Variants in DLG2 observed in about 807,000 individuals in gnomAD.
DLG2 encodes the protein disks large homolog 2.
Under a neutral mutation model 132.5 loss-of-function variants are expected in DLG2, and 45 were observed. The observed-to-expected ratio is 0.34, with a 90% CI of 0.27 to 0.44. DLG2 has a LOEUF of 0.44. Ranked by LOEUF, DLG2 falls within the 20% of genes least tolerant of loss-of-function variation. The probability of loss-of-function intolerance (pLI) is 1.00; values close to 1 mark genes in which losing one functional copy is unlikely to be tolerated. For missense variants in DLG2, 1,045 were observed against 1,196.9 expected, an observed-to-expected ratio of 0.87 and a Z score of 1.87; for synonymous variants, 424 against 419.6, an observed-to-expected ratio of 1.01 and a Z score of -0.13.
chr11:83,963,166 G>A, intron 13 of DLG2, 143 bp from the exon 14 acceptor site: 3 of 815,988 alleles, frequency 3.7e-6, no homozygotes, highest in Non-Finnish European at 5.8e-6. Context: ...GGGGGGAGTT[G>A]CAGCTTATTT....
intron 26 of DLG2, among the ~76,000 whole-genome samples, chr11:83,465,287 T>TTTAAC (rs1458493588): frequency 6.6e-6 from 1 of 152,210 alleles, no homozygotes; most frequent in African/African-American, 2.4e-5. Flanking sequence ...CAACTATGTA[T>TTTAAC]TTAACTTAAT....
chr11:83,732,868 T>TA (rs1318889827), intron 18 of DLG2, among the ~76,000 whole-genome samples: 1 of 152,172 alleles, frequency 6.6e-6, no homozygotes, highest in Non-Finnish European at 1.5e-5. Flanking sequence ...AGAAAGCTCA[T>TA]AGCTCACCTT....
intron 6 of DLG2, among the ~76,000 whole-genome samples, chr11:84,688,722 T>C (rs972913298): frequency 6.6e-6 from 1 of 152,142 alleles, no homozygotes; most frequent in South Asian, 2.1e-4. Flanking sequence ...TCCATTTCAC[T>C]TGGAAAAAGG....
At chr11:84,028,502 T>C (rs1351636110) in intron 11 of DLG2, among the ~76,000 whole-genome samples, 1 of 152,032 alleles carries the variant, frequency 6.6e-6, no homozygotes, top group Non-Finnish European at 1.5e-5. Context: ...CATGAGTGAG[T>C]GGTAGGCTTA....
Position 83,494,686 on chromosome 11 carries a change from G to A in DLG2, c.2194-10458C>T, listed in dbSNP as rs143006210. On this transcript the variant is annotated intron_variant, in intron 21 of 27. Transcript: ENST00000376104. ...TCCTTAGCCCTTAGTGATGAGGTGA[G>A]AACTCTAAAGGCTTCTAGGTGGAGC... Among the ~76,000 whole-genome samples the A allele has an allele frequency of 6.3e-4, 95 of 151,792 alleles. 1 individual carries two copies. The East Asian group carries it at 0.013, about 20-fold the overall frequency.
intron 21 of DLG2, among the ~76,000 whole-genome samples, chr11:83,517,673 T>C (rs1243275062): frequency 6.6e-6 from 1 of 152,226 alleles, no homozygotes; most frequent in African/African-American, 2.4e-5. Context: ...TGGTCTTTGA[T>C]GATGGTGACG....
At chr11:84,920,440 G>A (rs2092700742) in intron 6 of DLG2, among the ~76,000 whole-genome samples, 1 of 152,144 alleles carries the variant, frequency 6.6e-6, no homozygotes, top group Non-Finnish European at 1.5e-5. Context: ...ATTAGCCTGT[G>A]ATTTTGTTTG....
intron 19 of DLG2, among the ~76,000 whole-genome samples, chr11:83,596,313 A>G (rs2057571299): frequency 6.6e-6 from 1 of 152,134 alleles, no homozygotes. Context: ...CTAGTTAATG[A>G]CATAGCCGTG....
chr11:85,118,995 T>C (rs2073992514), intron 5 of DLG2, among the ~76,000 whole-genome samples: 1 of 151,834 alleles, frequency 6.6e-6, no homozygotes, highest in Non-Finnish European at 1.5e-5. Context: ...TCTTATTAAT[T>C]GGGGATCTTT....
intron 3 of DLG2, among the ~76,000 whole-genome samples, chr11:85,443,759 T>G (rs1378820497): frequency 6.6e-6 from 1 of 152,244 alleles, no homozygotes; most frequent in Non-Finnish European, 1.5e-5. Context: ...GAAATGAGAC[T>G]TGTTGCCTGC....
intron 15 of DLG2, among the ~76,000 whole-genome samples, chr11:83,876,300 T>G (rs1338261915): frequency 1.3e-5 from 2 of 152,168 alleles, no homozygotes; most frequent in Non-Finnish European, 2.9e-5. Flanking sequence ...GCAGAGCGTG[T>G]ACTTTGAGAT....
intron 6 of DLG2, among the ~76,000 whole-genome samples, chr11:85,106,305 T>C (rs1391193797): frequency 2.0e-5 from 3 of 151,952 alleles, no homozygotes; most frequent in African/African-American, 4.8e-5. Context: ...CAAACAGAAA[T>C]GAAAATGGCT....
At chr11:84,371,858 T>C (rs2098708054) in intron 7 of DLG2, among the ~76,000 whole-genome samples, 1 of 152,190 alleles carries the variant, frequency 6.6e-6, no homozygotes, top group South Asian at 2.1e-4. Flanking sequence ...TCATTTCCTC[T>C]CAGCTAGTCT....
chr11:83,723,130 C>T, intron 18 of DLG2, among the ~76,000 whole-genome samples: 1 of 152,116 alleles, frequency 6.6e-6, no homozygotes, highest in East Asian at 1.9e-4. Flanking sequence ...CCTGTAATCC[C>T]AGCACTTTGG....
At chr11:84,837,839 T>C (rs1356800705) in intron 6 of DLG2, among the ~76,000 whole-genome samples, 1 of 151,766 alleles carries the variant, frequency 6.6e-6, no homozygotes, top group Non-Finnish European at 1.5e-5. Context: ...GCATATGGAT[T>C]AGGTTCTCAA....
At chr11:85,252,228 A>C (rs1257462630) in intron 4 of DLG2, among the ~76,000 whole-genome samples, 1 of 152,254 alleles carries the variant, frequency 6.6e-6, no homozygotes, top group Non-Finnish European at 1.5e-5. Flanking sequence ...AGTAGGGACC[A>C]CTGAATCAAC....
At chr11:84,714,611 T>C (rs758264962) in intron 6 of DLG2, among the ~76,000 whole-genome samples, 1,612 of 93,348 alleles carry the variant, frequency 0.017, 99 homozygotes, top group African/African-American at 0.069. Flanking sequence ...CTCTTTCTCT[T>C]TCTCTTTCTC....
chr11:83,525,981 TCA>T (rs74933486), intron 21 of DLG2, among the ~76,000 whole-genome samples: 65,984 of 151,832 alleles, frequency 0.43, 14,488 homozygotes, highest in Middle Eastern at 0.55. Context: ...GAAATGAGTC[TCA>T]GTTTCTTCAT....
At chr11:84,852,132 A>C (rs2082236458) in intron 6 of DLG2, among the ~76,000 whole-genome samples, 1 of 152,044 alleles carries the variant, frequency 6.6e-6, no homozygotes, top group South Asian at 2.1e-4. Flanking sequence ...CTGCAGCTAT[A>C]GCTGCTTCTT....
Sources: gnomAD v4.1 joint callset for allele counts (sites outside exome capture counted in the v4.1 genomes callset) on GRCh38, gnomAD v4.1.1 for gene constraint, MANE v1.5 for transcripts, NCBI Gene and HGNC (gene_info 2026-07-23, HGNC 2026-07-21) for gene names.